Variants in PEAK3 observed in about 807,000 individuals in gnomAD.
The protein encoded by PEAK3 is protein PEAK3.
PEAK3 carries 15 observed loss-of-function variants against 13.3 expected under a neutral mutation model. That is an observed-to-expected ratio of 1.13 (90% CI 0.75 to 1.73). The LOEUF is 1.73. Ranked by LOEUF, PEAK3 falls within the 40% of genes most tolerant of loss-of-function variation. The pLI, the probability that PEAK3 is intolerant of heterozygous loss-of-function variation, is 0.00. For missense variants in PEAK3, 739 were observed against 690.2 expected (o/e 1.07, Z -0.79); for synonymous variants, 347 against 341.9 (o/e 1.01, Z -0.17).
At chr19:2,278,025 G>A (rs1220622807) in intron 3 of PEAK3, among the ~76,000 whole-genome samples, 3 of 151,124 alleles carry the variant, frequency 2.0e-5, no homozygotes, top group Admixed American at 6.6e-5. Context: ...CACCACGCCC[G>A]GCTAATTTTT....
At chr19:2,278,182 T>TG (rs1568408255) in intron 3 of PEAK3, among the ~76,000 whole-genome samples, 1 of 141,320 alleles carries the variant, frequency 7.1e-6, no homozygotes. Flanking sequence ...TTTTTTTTTT[T>TG]GAGACGGAGT....
At position 2,275,535 on chromosome 19, in the gene PEAK3, G is replaced by A. The variant is rs2025376609; in HGVS notation, c.*145C>T. The A allele has an allele frequency of 4.4e-6, 3 of 687,114 alleles. No homozygotes were observed. The highest frequency in any genetic ancestry group is 4.4e-5 in the Admixed American group (1 of 22,968). The allele number at this position is 687,114 out of a possible 1,614,324, so 42.6% of individuals were successfully genotyped here. ...CCACATCCCCAGCACGGGAGGGGAGGCTCTGGAGTGGGGCATTGCTCTCTC... is the reference window on the plus strand; with the variant it reads ...CCACATCCCCAGCACGGGAGGGGAGACTCTGGAGTGGGGCATTGCTCTCTC... On this transcript the variant is annotated 3_prime_UTR_variant, in exon 4 of 4. Coordinates refer to ENST00000342063, the MANE Select transcript of PEAK3 (RefSeq NM_198532.3).
chr19:2,278,510 T>C (rs12460882), intron 3 of PEAK3, 74 bp downstream of exon 3: 169,417 of 1,354,540 alleles, frequency 0.13, 12,836 homozygotes, highest in East Asian at 0.35. Context: ...AAAGGCCAAA[T>C]GAAACAAGCC....
intron 3 of PEAK3, among the ~76,000 whole-genome samples, chr19:2,277,504 C>G (rs573627854): frequency 6.6e-6 from 1 of 152,142 alleles, no homozygotes; most frequent in African/African-American, 2.4e-5. Flanking sequence ...GCCCTTTTCT[C>G]TATAAATTAC....
chr19:2,276,221 A>T lies in PEAK3; in HGVS notation c.881T>A (p.Phe294Tyr). Residue 294 changes from phenylalanine (F) to tyrosine (Y), a missense_variant, in exon 4 of 4, where the codon TTC becomes TAC. Phe to Tyr is a conservative substitution (Grantham distance 22, BLOSUM62 3). Transcript: ENST00000342063. Reference sequence around the variant, plus strand: ...TAGGGCCGCGCCCCACGCCTCCAGGAACTTCAGGGCCGCGCTCAGCTGCAG... The same window carrying T: ...TAGGGCCGCGCCCCACGCCTCCAGGTACTTCAGGGCCGCGCTCAGCTGCAG... The part of the protein sequence containing the change: ...LLLQLSAALK[F>Y]LEAWGAALVE... 1 of 1,575,512 alleles carries T rather than the reference A, an allele frequency of 6.3e-7. No homozygotes were observed. The highest frequency in any genetic ancestry group is 8.6e-7 in the Non-Finnish European group (1 of 1,165,668).
Position 2,275,976 on chromosome 19 carries a change from G to C in PEAK3, c.1126C>G (p.Leu376Val). ...AAGCGGGTCAGCTGTGCTGCCAGGAGCTCCAGGCCCGCGGCCAAAGGCGTG... is the reference window on the plus strand; with the variant it reads ...AAGCGGGTCAGCTGTGCTGCCAGGACCTCCAGGCCCGCGGCCAAAGGCGTG... ...STTPLAAGLE[L>V]LAAQLTRLRP... Residue 376 changes from leucine (L) to valine (V), a missense_variant, in exon 4 of 4, where the codon CTC becomes GTC. Coordinates refer to ENST00000342063, the MANE Select transcript of PEAK3 (RefSeq NM_198532.3). 1 of 1,415,624 alleles carries C rather than the reference G, an allele frequency of 7.1e-7. No individual in the cohort carries two copies. Among genetic ancestry groups the C allele is most frequent in the Non-Finnish European group, 9.2e-7 (1 of 1,091,530 alleles). The allele number at this position is 1,415,624 out of a possible 1,614,324, so 87.7% of individuals were successfully genotyped here. A position where few individuals can be genotyped will look rare whatever the true frequency, so the allele number is the denominator to read the frequency against.
Position 2,275,951 on chromosome 19 carries a change from A to G in PEAK3, c.1151T>C (p.Leu384Ser). The change falls in exon 4 of 4, where the codon TTG becomes TCG. Residue 384 changes from leucine to serine, a missense_variant. Physicochemically the swap from Leu to Ser is moderately radical, Grantham distance 145. Transcript: ENST00000342063. Reference protein sequence around the residue: ...LELLAAQLTRLRPSASRTRGA... With the variant: ...LELLAAQLTRSRPSASRTRGA... ...CCGCGTCCGGGACGCCGAGGGCCGC[A>G]AGCGGGTCAGCTGTGCTGCCAGGAG... The G allele has an allele frequency of 1.4e-6, 2 of 1,398,314 alleles. No homozygotes were observed. Among genetic ancestry groups the G allele is most frequent in the Non-Finnish European group, 1.8e-6 (2 of 1,083,822 alleles). 86.6% of individuals were successfully genotyped at this position (1,398,314 alleles called of 1,614,324 possible).
At position 2,278,992 on chromosome 19, in the gene PEAK3, C is replaced by T. The variant is rs751201440; in HGVS notation, c.204G>A (p.Gln68=). The part of the protein sequence containing the change: ...PLPKKILTRT[Q]SLPTRRTLHP... ...GGAGGGTCCTGCGGGTGGGCAGTGA[C>T]TGGGTCCGGGTTAGGATCTTCTTGG... Residue 68 remains glutamine, a synonymous_variant, in exon 3 of 4, where the codon CAG becomes CAA. Transcript: ENST00000342063. The T allele has an allele frequency of 4.2e-5, 66 of 1,578,912 alleles. No homozygotes were observed. Among genetic ancestry groups the T allele is most frequent in the Non-Finnish European group, 5.6e-5 (65 of 1,157,148 alleles).
intron 2 of PEAK3, among the ~76,000 whole-genome samples, chr19:2,280,170 C>A (rs944052937): frequency 7.0e-6 from 1 of 142,796 alleles, no homozygotes; most frequent in Non-Finnish European, 1.5e-5. Flanking sequence ...TCAAGCGATT[C>A]TCCTGCCTCA....
rs935602222 is a variant in PEAK3, at chr19:2,275,724, T to C, written c.1378A>G (p.Thr460Ala). The change falls in exon 4 of 4, where the codon ACC becomes GCC. Residue 460 changes from threonine to alanine, a missense_variant. Physicochemically the swap from Thr to Ala is moderately conservative, Grantham distance 58. Transcript: ENST00000342063. ...AGGGCCTGGCCCATCGAGGACTCGG[T>C]GGCCTCGGCCAGGTATTCGCAACAC... The part of the protein sequence containing the change: ...WLCCEYLAEA[T>A]ESSMGQALAL... 7.1e-6 allele frequency: 11 copies of C among 1,553,498 alleles called. No homozygotes were observed. In the African/African-American group the frequency reaches 1.1e-4, roughly 16 times the overall value.
rs2025376915 is a variant in PEAK3, at chr19:2,275,558, C to T, written c.*122G>A. 2 of 919,568 alleles carry T rather than the reference C, an allele frequency of 2.2e-6. No individual in the cohort carries two copies. Among genetic ancestry groups the T allele is most frequent in the Admixed American group, 4.3e-5 (1 of 23,482 alleles). 57.0% of individuals were successfully genotyped at this position (919,568 alleles called of 1,614,324 possible). ...AGGCTCTGGAGTGGGGCATTGCTCT[C>T]TCTGCTGCGCTCCTGGACTCTGCAG... On this transcript the variant is annotated 3_prime_UTR_variant, in exon 4 of 4. Coordinates refer to ENST00000342063, the MANE Select transcript of PEAK3 (RefSeq NM_198532.3).
At chr19:2,279,154 A>T (rs1178880295) in intron 2 of PEAK3, 41 bp from the exon 3 acceptor site, 3 of 1,380,552 alleles carry the variant, frequency 2.2e-6, no homozygotes, top group Non-Finnish European at 2.8e-6. Flanking sequence ...GGACAGGCGG[A>T]GTGGGAACGG....
chr19:2,279,063 G>T lies in PEAK3; in HGVS notation c.133C>A (p.Pro45Thr). 1 of 1,480,636 alleles carries T rather than the reference G, an allele frequency of 6.8e-7. No individual in the cohort carries two copies. The allele number at this position is 1,480,636 out of a possible 1,614,324, so 91.7% of individuals were successfully genotyped here. A position where few individuals can be genotyped will look rare whatever the true frequency, so the allele number is the denominator to read the frequency against. Residue 45 changes from proline (P) to threonine (T), a missense_variant, in exon 3 of 4, where the codon CCT (proline) becomes ACT (threonine). Transcript: ENST00000342063. ...TCTGGGTTGGTGGAGAGGGACCCAG[G>T]GGTCCGGAGGCGGCAGGCCTTGGAG... ...LPSKACRLRT[P>T]GSLSTNPEPL...
chr19:2,280,588 G>T (rs1395906395), intron 2 of PEAK3, among the ~76,000 whole-genome samples: 1 of 151,984 alleles, frequency 6.6e-6, no homozygotes, highest in Non-Finnish European at 1.5e-5. Context: ...GGCCTCAAGG[G>T]ATCCACCTGC....
At position 2,276,469 on chromosome 19, in the gene PEAK3, G is replaced by A. The variant is rs2025391427; in HGVS notation, c.633C>T (p.Asp211=). The change falls in exon 4 of 4, where the codon GAC becomes GAT. Residue 211 remains aspartate (D), a synonymous_variant. Coordinates refer to ENST00000342063, the MANE Select transcript of PEAK3 (RefSeq NM_198532.3). ...GCTCCAGGCCCCACGGGTGGGGCAC[G>A]TCCGCCCCGGGCTTGGGCACCTGCA... The part of the protein sequence containing the change: ...LVAKVPKPGA[D]VPHPWGLELQ... 8.4e-6 allele frequency: 13 copies of A among 1,553,484 alleles called. No individual in the cohort carries two copies. Among genetic ancestry groups the A allele is most frequent in the East Asian group, 2.3e-5 (1 of 43,824 alleles).
chr19:2,279,585 A>G (rs2025422761), intron 2 of PEAK3, among the ~76,000 whole-genome samples: 1 of 151,756 alleles, frequency 6.6e-6, no homozygotes, highest in African/African-American at 2.4e-5. Flanking sequence ...GAACTTGAGA[A>G]GTGGAGCTTG....
intron 3 of PEAK3, among the ~76,000 whole-genome samples, 182 bp from the exon 4 acceptor site, chr19:2,276,671 G>C (rs532178877): frequency 6.6e-6 from 1 of 152,316 alleles, no homozygotes; most frequent in African/African-American, 2.4e-5. Flanking sequence ...TTAGTCACCA[G>C]TAAGGACTTT....
chr19:2,278,644 G>T lies in PEAK3; in HGVS notation c.552C>A (p.Asp184Glu). 2 of 1,507,068 alleles carry T rather than the reference G, an allele frequency of 1.3e-6. No homozygotes were observed. Among genetic ancestry groups the T allele is most frequent in the Non-Finnish European group, 8.9e-7 (1 of 1,127,742 alleles). The allele number at this position is 1,507,068 out of a possible 1,614,324, so 93.4% of individuals were successfully genotyped here. Residue 184 changes from aspartate (D) to glutamate (E), a missense_variant, in exon 3 of 4, where the codon GAC becomes GAA. Transcript: ENST00000342063. The part of the protein sequence containing the change: ...LDSSPCAESG[D>E]ALYYRVVRAH... The stretch of plus-strand genomic sequence containing the variant: ...CGCGCACCACGCGGTAATACAGGGC[G>T]TCCCCGCTCTCTGCGCAGGGTGAGC...
chr19:2,276,287 T>C lies in PEAK3; in HGVS notation c.815A>G (p.Gln272Arg), dbSNP rs2025386771. 6.3e-7 allele frequency: 1 copy of C among 1,591,912 alleles called. No homozygotes were observed. Among genetic ancestry groups the C allele is most frequent in the African/African-American group, 1.3e-5 (1 of 74,552 alleles). The change falls in exon 4 of 4, where the codon CAG (glutamine) becomes CGG (arginine). Residue 272 changes from glutamine (Q) to arginine (R), a missense_variant. Transcript: ENST00000342063. ...VAQWLAEACT[Q>R]PPEEFVWAVA... Reference sequence around the variant, plus strand: ...AGCCCACACGAACTCCTCCGGCGGCTGCGTGCAGGCCTCCGCCAGCCACTG... The same window carrying C: ...AGCCCACACGAACTCCTCCGGCGGCCGCGTGCAGGCCTCCGCCAGCCACTG...
Sources: gnomAD v4.1 joint callset for allele counts (sites outside exome capture counted in the v4.1 genomes callset) on GRCh38, gnomAD v4.1.1 for gene constraint, MANE v1.5 for transcripts, NCBI Gene and HGNC (gene_info 2026-07-23, HGNC 2026-07-21) for gene names.